PCDH15: variants seen among roughly 807,000 people sequenced by gnomAD.
PCDH15 encodes protocadherin related 15.
In PCDH15, 129 loss-of-function variants were observed where a neutral mutation model predicts 178.5. The observed-to-expected ratio is 0.72, with a 90% confidence interval of 0.63 to 0.84. The LOEUF (loss-of-function observed/expected upper bound fraction) is 0.84. PCDH15 is among the 40% of genes least tolerant of loss of function. The pLI is 0.00. For missense variants in PCDH15, 2,230 were observed against 2,099.9 expected (o/e 1.06, Z -1.21); for synonymous variants, 800 against 732.0 (o/e 1.09, Z -1.50).
chr10:54,865,053 T>A (rs1044882830), intron 3 of PCDH15, among the ~76,000 whole-genome samples: 4 of 152,188 alleles, frequency 2.6e-5, no homozygotes, highest in Non-Finnish European at 5.9e-5. Flanking sequence ...TAATATTATG[T>A]ATCAACTTGA....
chr10:54,905,040 T>G (rs773151725), intron 2 of PCDH15, among the ~76,000 whole-genome samples: 41 of 152,008 alleles, frequency 2.7e-4, no homozygotes, highest in Non-Finnish European at 5.6e-4. Context: ...GATATGACTG[T>G]ACCACTTTCA....
chr10:54,588,059 C>A (rs191495211), intron 2 of PCDH15, among the ~76,000 whole-genome samples: 1 of 152,222 alleles, frequency 6.6e-6, no homozygotes, highest in African/African-American at 2.4e-5. Flanking sequence ...GATAAACTTG[C>A]ATGATTTCAG....
At chr10:54,839,526 C>T (rs1953379425) in intron 3 of PCDH15, among the ~76,000 whole-genome samples, 1 of 151,900 alleles carries the variant, frequency 6.6e-6, no homozygotes, top group South Asian at 2.1e-4. Context: ...TGGACAGCAT[C>T]AAGCACACAA....
At chr10:54,103,728 C>G (rs2094856249) in intron 15 of PCDH15, among the ~76,000 whole-genome samples, 1 of 152,128 alleles carries the variant, frequency 6.6e-6, no homozygotes, top group African/African-American at 2.4e-5. Context: ...CATATTTTAG[C>G]TAACCAGACA....
rs1296429184 is a variant in PCDH15 at position 54,506,174 on chromosome 10, C to A, written c.157+21638G>T. Among the ~76,000 whole-genome samples, 3 of 151,900 alleles carry A rather than the reference C, an allele frequency of 2.0e-5. No individual in the cohort carries two copies. The East Asian group carries it at 5.8e-4, about 29-fold the overall frequency. On this transcript the variant is annotated intron_variant, in intron 3 of 37. Coordinates refer to ENST00000644397, the MANE Select transcript of PCDH15 (RefSeq NM_001384140.1). The stretch of plus-strand genomic sequence containing the variant: ...TAGTTTATTAAACTTGAAATTTTTG[C>A]GTGGAAAATATCACATCTGAGCCAC...
rs370888667 is a variant in PCDH15, at chr10:53,990,958, G to A, written c.2868+4691C>T. Among the ~76,000 whole-genome samples the A allele has an allele frequency of 3.2e-4, 49 of 152,078 alleles. 1 individual carries two copies. The highest frequency in any genetic ancestry group is 8.3e-4 in the South Asian group (4 of 4,834). On this transcript the variant is annotated intron_variant, in intron 21 of 37. Coordinates refer to ENST00000644397, the MANE Select transcript of PCDH15 (RefSeq NM_001384140.1). ...CAGTGAGGGGTTTAGCACCCGGGCC[G>A]GCAGCTGCAGAGGGTGCACTGAGTC...
intron 15 of PCDH15, among the ~76,000 whole-genome samples, chr10:54,091,404 C>G (rs1010016086): frequency 1.3e-5 from 2 of 152,062 alleles, no homozygotes; most frequent in Admixed American, 1.3e-4. Context: ...AATAACTGTC[C>G]CAGCCATAAG....
chr10:55,365,887 A>G (rs1845345180), intron 2 of PCDH15, among the ~76,000 whole-genome samples: 1 of 152,088 alleles, frequency 6.6e-6, no homozygotes, highest in African/African-American at 2.4e-5. Context: ...GAAACTCATG[A>G]GATACTTCCC....
intron 2 of PCDH15, among the ~76,000 whole-genome samples, chr10:55,463,018 C>A (rs769419734): frequency 1.5e-4 from 23 of 150,004 alleles, no homozygotes; most frequent in Non-Finnish European, 1.8e-4. Flanking sequence ...ACATTAATCT[C>A]TTTGTATGTG....
intron 2 of PCDH15, among the ~76,000 whole-genome samples, chr10:55,433,866 A>G (rs1367013563): frequency 1.3e-5 from 2 of 151,984 alleles, no homozygotes; most frequent in African/African-American, 4.8e-5. Context: ...CTGTCACTGC[A>G]CTGTTTATTG....
At chr10:55,284,718 A>C (rs1341090607) in intron 1 of PCDH15, among the ~76,000 whole-genome samples, 1 of 151,980 alleles carries the variant, frequency 6.6e-6, no homozygotes, top group Non-Finnish European at 1.5e-5. Context: ...GGACTTAAAT[A>C]CTTCTATTTA....
At chr10:53,878,239 T>TATAC (rs1182979702) in intron 26 of PCDH15, among the ~76,000 whole-genome samples, 1 of 88,054 alleles carries the variant, frequency 1.1e-5, no homozygotes, top group African/African-American at 3.7e-5. Context: ...TATATATATA[T>TATAC]ATATTCTACA....
intron 2 of PCDH15, among the ~76,000 whole-genome samples, chr10:55,611,367 T>C (rs1843361062): frequency 6.6e-6 from 1 of 151,978 alleles, no homozygotes; most frequent in Non-Finnish European, 1.5e-5. Flanking sequence ...GACAGATATT[T>C]CTCCAAAGAA....
At chr10:54,519,435 C>A (rs1008189321) in intron 3 of PCDH15, among the ~76,000 whole-genome samples, 1 of 152,036 alleles carries the variant, frequency 6.6e-6, no homozygotes, top group Non-Finnish European at 1.5e-5. Context: ...AACAGAGAGC[C>A]AAATCATGAG....
rs12220935 is a variant in PCDH15, at chr10:54,769,173, T to A, written c.-29+31752A>T. Among the ~76,000 whole-genome samples the A allele has an allele frequency of 9.8e-3, 1,498 of 152,170 alleles. 26 individuals are homozygous for A. Among genetic ancestry groups the A allele is most frequent in the East Asian group, 0.056 (288 of 5,162 alleles). Reference sequence around the variant, plus strand: ...AAAATCTGTTGTTAAACACTAATAATAATCAAAGTTGCAAGACACTTCATG... The same window carrying A: ...AAAATCTGTTGTTAAACACTAATAAAAATCAAAGTTGCAAGACACTTCATG... On this transcript the variant is annotated intron_variant, in intron 1 of 37. Transcript: ENST00000644397.
chr10:55,554,166 C>T (rs1842046846), intron 2 of PCDH15, among the ~76,000 whole-genome samples: 1 of 152,016 alleles, frequency 6.6e-6, no homozygotes, highest in Non-Finnish European at 1.5e-5. Context: ...AAGCAATATT[C>T]AAGAAGACTG....
intron 13 of PCDH15, among the ~76,000 whole-genome samples, chr10:54,172,721 G>C (rs1262510507): frequency 6.6e-6 from 1 of 151,916 alleles, no homozygotes; most frequent in African/African-American, 2.4e-5. Flanking sequence ...AGAACCATAA[G>C]TATGAGCGTG....
intron 2 of PCDH15, among the ~76,000 whole-genome samples, chr10:55,508,377 A>G (rs7079978): frequency 0.42 from 63,565 of 151,512 alleles, 14,018 homozygotes; most frequent in East Asian, 0.81. Flanking sequence ...AATTGAAATC[A>G]GTACAGATTT....
chr10:54,667,957 G>C (rs748940102), intron 1 of PCDH15, among the ~76,000 whole-genome samples: 1 of 152,022 alleles, frequency 6.6e-6, no homozygotes, highest in Non-Finnish European at 1.5e-5. Flanking sequence ...TTACACGTAA[G>C]TGGTTTGCAT....
Sources: allele counts gnomAD v4.1 joint callset (sites outside exome capture counted in the v4.1 genomes callset), GRCh38; gene constraint gnomAD v4.1.1; transcripts MANE v1.5; gene names NCBI Gene and HGNC (gene_info 2026-07-23, HGNC 2026-07-21).